The following ADAM2 variants were observed in gnomAD, a reference collection of about 807,000 sequenced individuals.
ADAM2 encodes ADAM metallopeptidase domain 2, also known as disintegrin and metalloproteinase domain-containing protein 2.
ADAM2 carries 101 observed loss-of-function variants against 99.3 expected under a neutral mutation model. The ratio of observed to expected loss-of-function variants is 1.02; its 90% CI spans 0.87 to 1.20. The LOEUF is 1.20. Among genes scored for constraint, ADAM2 ranks in the 50% most tolerant of loss-of-function variants. ADAM2 has a pLI of 0.00. For synonymous variants in ADAM2, 323 were observed against 287.6 expected (o/e 1.12, Z -1.25); for missense variants, 948 against 878.7 (o/e 1.08, Z -1.00).
At chr8:39,761,468 G>T (rs1412114926) in intron 14 of ADAM2, among the ~76,000 whole-genome samples, 187 bp from the exon 15 acceptor site, 5 of 152,176 alleles carry the variant, frequency 3.3e-5, no homozygotes, top group African/African-American at 9.7e-5. Context: ...TTTAAAAATT[G>T]AAAGGACTCT....
At chr8:39,757,194 T>G (rs1305853248) in intron 15 of ADAM2, among the ~76,000 whole-genome samples, 3 of 151,888 alleles carry the variant, frequency 2.0e-5, no homozygotes, top group Non-Finnish European at 4.4e-5. Flanking sequence ...ATGCGATTTC[T>G]CACCACTCAA....
intron 11 of ADAM2, 30 bp downstream of exon 11, chr8:39,776,995 T>C: frequency 1.5e-6 from 2 of 1,291,200 alleles, no homozygotes; most frequent in Non-Finnish European, 2.2e-6. Flanking sequence ...TTAAACTATA[T>C]ATGTAAAGTA....
At chr8:39,751,804 C>A (rs1801958537) in intron 16 of ADAM2, among the ~76,000 whole-genome samples, 1 of 151,856 alleles carries the variant, frequency 6.6e-6, no homozygotes, top group Admixed American at 6.6e-5. Context: ...TATGTAGGAA[C>A]TAAAATGCTA....
chr8:39,806,700 T>C (rs1586132959), intron 7 of ADAM2, among the ~76,000 whole-genome samples: 1 of 152,106 alleles, frequency 6.6e-6, no homozygotes, highest in East Asian at 1.9e-4. Flanking sequence ...TGCAAAATGA[T>C]AGAGAAACTG....
rs1013325989 is a variant in ADAM2, at chr8:39,795,727, C to G, written c.571-6987G>C. ...ACTGTGTTAAGGGCATGTTCTTAACCTTGGCAAAACAAACTTTCTAAATTG... is the reference window on the plus strand; with the variant it reads ...ACTGTGTTAAGGGCATGTTCTTAACGTTGGCAAAACAAACTTTCTAAATTG... On this transcript the variant is annotated intron_variant, in intron 7 of 20. Transcript: ENST00000265708. Among the ~76,000 whole-genome samples, 24 of 152,256 alleles carry G rather than the reference C, an allele frequency of 1.6e-4. 1 individual carries two copies. In the South Asian group the frequency reaches 3.9e-3, roughly 25 times the overall value.
At chr8:39,785,160 T>C (rs920928992) in intron 10 of ADAM2, among the ~76,000 whole-genome samples, 4 of 152,246 alleles carry the variant, frequency 2.6e-5, no homozygotes, top group Non-Finnish European at 5.9e-5. Flanking sequence ...CTAGGTCTTC[T>C]TCTAGAACCC....
chr8:39,764,749 C>A (rs1410921664), intron 14 of ADAM2, among the ~76,000 whole-genome samples: 1 of 152,156 alleles, frequency 6.6e-6, no homozygotes, highest in East Asian at 1.9e-4. Flanking sequence ...CGCAGTGGCT[C>A]AAGCGAGTAA....
intron 7 of ADAM2, among the ~76,000 whole-genome samples, chr8:39,806,956 A>C (rs1187819018): frequency 3.9e-5 from 6 of 152,142 alleles, no homozygotes; most frequent in Non-Finnish European, 8.8e-5. Flanking sequence ...ATGAGCTGAA[A>C]ATGAGCGCTA....
chr8:39,802,630 C>G (rs1042377893), intron 7 of ADAM2, among the ~76,000 whole-genome samples: 4 of 152,138 alleles, frequency 2.6e-5, no homozygotes, highest in African/African-American at 9.7e-5. Context: ...ACTGGAGCCC[C>G]TACAAACTGG....
At chr8:39,816,725 A>G (rs1457915860) in intron 6 of ADAM2, among the ~76,000 whole-genome samples, 1 of 152,252 alleles carries the variant, frequency 6.6e-6, no homozygotes, top group Admixed American at 6.5e-5. Flanking sequence ...TGAAAAGGCA[A>G]GTCTATATCT....
intron 1 of ADAM2, 71 bp downstream of exon 1, chr8:39,838,060 T>C (rs1805911161): frequency 1.3e-6 from 2 of 1,517,384 alleles, no homozygotes; most frequent in African/African-American, 1.4e-5. Context: ...GGGATGTCAA[T>C]GTAACTTGGA....
At chr8:39,800,450 C>G (rs187183453) in intron 7 of ADAM2, among the ~76,000 whole-genome samples, 4 of 152,054 alleles carry the variant, frequency 2.6e-5, no homozygotes, top group Non-Finnish European at 5.9e-5. Flanking sequence ...CTCTGGCTGC[C>G]CTTAACAGTT....
At chr8:39,790,243 T>C (rs1228363651) in intron 7 of ADAM2, among the ~76,000 whole-genome samples, 2 of 151,952 alleles carry the variant, frequency 1.3e-5, no homozygotes. Flanking sequence ...CAAATGTTTA[T>C]AGTAATGTTA....
rs538172033 is a variant in ADAM2 at position 39,836,741 on chromosome 8, T to C, written c.132+395A>G. The stretch of plus-strand genomic sequence containing the variant: ...ATCAGGGCTAAAAAAATCATTAATA[T>C]AACACATCATTAATTCAAGTGATCA... On this transcript the variant is annotated intron_variant, in intron 2 of 20. Transcript: ENST00000265708. 1.6e-4 allele frequency among the ~76,000 whole-genome samples: 24 copies of C among 152,336 alleles called. 1 individual carries two copies. Among genetic ancestry groups the C allele is most frequent in the African/African-American group, 5.8e-4 (24 of 41,584 alleles).
At chr8:39,806,027 A>G (rs890466656) in intron 7 of ADAM2, among the ~76,000 whole-genome samples, 4 of 152,208 alleles carry the variant, frequency 2.6e-5, no homozygotes, top group African/African-American at 9.7e-5. Flanking sequence ...GCACAATTTC[A>G]TGGCTGACTC....
chr8:39,757,644 G>A (rs2129583464), intron 15 of ADAM2, among the ~76,000 whole-genome samples: 1 of 152,192 alleles, frequency 6.6e-6, no homozygotes, highest in South Asian at 2.1e-4. Context: ...TCTCCCAGAG[G>A]CATAACGAAA....
In ADAM2 at chr8:39,761,421, T is replaced by C. The variant is rs533982437; in HGVS notation, c.1508-140A>G. On this transcript the variant is annotated intron_variant, in intron 14 of 20. Transcript: ENST00000265708. ...ATACTATAACATTCAAAATAAAAACTAGATTTAAGATCACACAAAACTACT... is the reference window on the plus strand; with the variant it reads ...ATACTATAACATTCAAAATAAAAACCAGATTTAAGATCACACAAAACTACT... The C allele has an allele frequency of 3.4e-5, 16 of 477,122 alleles. No individual in the cohort carries two copies. The South Asian group carries it at 6.7e-4, about 20-fold the overall frequency. The allele number at this position is 477,122 out of a possible 1,614,324, so 29.6% of individuals were successfully genotyped here. A position where few individuals can be genotyped will look rare whatever the true frequency, so the allele number is the denominator to read the frequency against.
chr8:39,808,795 A>G (rs867234590), intron 7 of ADAM2, among the ~76,000 whole-genome samples: 2 of 152,312 alleles, frequency 1.3e-5, no homozygotes, highest in Middle Eastern at 3.4e-3. Flanking sequence ...GTGTGCCTGT[A>G]GTCCCAGTTA....
intron 2 of ADAM2, among the ~76,000 whole-genome samples, chr8:39,836,281 G>T (rs1805819720): frequency 6.6e-6 from 1 of 151,804 alleles, no homozygotes; most frequent in South Asian, 2.1e-4. Context: ...TCTCCAAATA[G>T]ATTCTCTGCT....
Sources: gnomAD v4.1 joint callset for allele counts (sites outside exome capture counted in the v4.1 genomes callset) on GRCh38, gnomAD v4.1.1 for gene constraint, MANE v1.5 for transcripts, NCBI Gene and HGNC (gene_info 2026-07-23, HGNC 2026-07-21) for gene names.